Variants in PRKAG2 observed in about 807,000 individuals in gnomAD.
PRKAG2 encodes protein kinase AMP-activated non-catalytic subunit gamma 2.
In PRKAG2, 26 loss-of-function variants were observed where a neutral mutation model predicts 69.6. That is an observed-to-expected ratio of 0.37 (90% CI 0.27 to 0.52). The LOEUF (loss-of-function observed/expected upper bound fraction) is 0.52, where lower values mean the gene tolerates loss of function less well. Ranked by LOEUF, PRKAG2 falls within the 20% of genes least tolerant of loss-of-function variation. The probability of loss-of-function intolerance (pLI) is 0.90; values close to 1 mark genes in which losing one functional copy is unlikely to be tolerated. For synonymous variants in PRKAG2, 293 were observed against 285.0 expected (o/e 1.03, Z -0.28); for missense variants, 557 against 740.0 (o/e 0.75, Z 2.87).
chr7:151,661,468 G>C (rs1020452625), intron 4 of PRKAG2, among the ~76,000 whole-genome samples: 13 of 152,306 alleles, frequency 8.5e-5, no homozygotes, highest in African/African-American at 3.1e-4. Context: ...AGCACATGAA[G>C]AGGAAATCAC....
chr7:151,662,536 C>T (rs1830479268), intron 4 of PRKAG2, among the ~76,000 whole-genome samples: 1 of 152,194 alleles, frequency 6.6e-6, no homozygotes, highest in African/African-American at 2.4e-5. Context: ...TGGGCTACTG[C>T]AGCACTTTAC....
intron 1 of PRKAG2, among the ~76,000 whole-genome samples, chr7:151,824,098 C>A (rs941923413): frequency 1.3e-5 from 2 of 152,186 alleles, no homozygotes; most frequent in African/African-American, 4.8e-5. Flanking sequence ...TGAGCTTTCC[C>A]TTTAAGAAGG....
At chr7:151,593,222 C>T (rs1207627138) in intron 6 of PRKAG2, among the ~76,000 whole-genome samples, 1 of 152,182 alleles carries the variant, frequency 6.6e-6, no homozygotes, top group African/African-American at 2.4e-5. Context: ...GAGTCTTGCT[C>T]TGTCATCCAG....
At chr7:151,871,555 G>A (rs1342496331) in intron 1 of PRKAG2, among the ~76,000 whole-genome samples, 1 of 152,220 alleles carries the variant, frequency 6.6e-6, no homozygotes, top group Non-Finnish European at 1.5e-5. Flanking sequence ...AGCCAAGCAA[G>A]GCGACACCTT....
chr7:151,661,948 CG>C (rs1197029942), intron 4 of PRKAG2, among the ~76,000 whole-genome samples: 1 of 152,170 alleles, frequency 6.6e-6, no homozygotes, highest in Non-Finnish European at 1.5e-5. Context: ...GGGACAGTCC[CG>C]GTTCTGAGCT....
intron 1 of PRKAG2, among the ~76,000 whole-genome samples, chr7:151,822,274 G>C (rs9969184): frequency 0.84 from 127,064 of 152,154 alleles, 53,415 homozygotes; most frequent in Non-Finnish European, 0.89. Flanking sequence ...AACGAGGTGG[G>C]TTCAGGAGGG....
intron 1 of PRKAG2, among the ~76,000 whole-genome samples, chr7:151,831,900 C>T (rs1238264967): frequency 6.6e-6 from 1 of 152,122 alleles, no homozygotes; most frequent in Non-Finnish European, 1.5e-5. Flanking sequence ...AGGACACTTC[C>T]CCAGAACCGA....
At chr7:151,830,220 G>T (rs2078993221) in intron 1 of PRKAG2, among the ~76,000 whole-genome samples, 1 of 150,946 alleles carries the variant, frequency 6.6e-6, no homozygotes, top group Non-Finnish European at 1.5e-5. Context: ...GAAACTCTGT[G>T]CCTGGCCCAG....
chr7:151,628,798 T>C (rs183378576), intron 5 of PRKAG2, among the ~76,000 whole-genome samples: 70 of 152,296 alleles, frequency 4.6e-4, no homozygotes, highest in African/African-American at 1.7e-3. Context: ...AAACACTTAA[T>C]GAAATCATTG....
chr7:151,770,186 C>G (rs1394951177), intron 3 of PRKAG2, among the ~76,000 whole-genome samples: 3 of 152,162 alleles, frequency 2.0e-5, no homozygotes, highest in Non-Finnish European at 2.9e-5. Flanking sequence ...TCGACACAAC[C>G]GACCAGCATT....
intron 5 of PRKAG2, among the ~76,000 whole-genome samples, chr7:151,631,398 A>G (rs1318896379): frequency 2.0e-5 from 3 of 152,186 alleles, no homozygotes; most frequent in Non-Finnish European, 4.4e-5. Flanking sequence ...CATTTTAAAT[A>G]TTAATTTTGC....
intron 4 of PRKAG2, among the ~76,000 whole-genome samples, chr7:151,651,201 G>T (rs1235874824): frequency 6.6e-6 from 1 of 152,188 alleles, no homozygotes; most frequent in East Asian, 1.9e-4. Context: ...TAGTTATTGT[G>T]TAACAAAATG....
chr7:151,731,537 C>CGT (rs1422307895), intron 3 of PRKAG2, among the ~76,000 whole-genome samples: 25 of 85,320 alleles, frequency 2.9e-4, no homozygotes, highest in East Asian at 1.1e-3. Context: ...TGTGTGTGTG[C>CGT]GCACAGGTAC....
intron 3 of PRKAG2, among the ~76,000 whole-genome samples, chr7:151,763,655 G>A (rs969071765): frequency 1.3e-5 from 2 of 152,170 alleles, no homozygotes; most frequent in African/African-American, 4.8e-5. Context: ...AGGGCTGATC[G>A]TCCCCTCTCT....
chr7:151,635,943 C>G (rs2151344492), intron 4 of PRKAG2, among the ~76,000 whole-genome samples: 1 of 151,490 alleles, frequency 6.6e-6, no homozygotes, highest in South Asian at 2.1e-4. Context: ...TCTCAGCTCA[C>G]TGCCAGCTCC....
At chr7:151,726,813 T>A (rs943824324) in intron 3 of PRKAG2, among the ~76,000 whole-genome samples, 18 of 152,180 alleles carry the variant, frequency 1.2e-4, no homozygotes, top group African/African-American at 4.3e-4. Context: ...GTTCAGTTTG[T>A]GCAAATTCGT....
rs1431797681 is a variant in PRKAG2, at chr7:151,875,708, A to T, written c.114+799T>A. Among the ~76,000 whole-genome samples the T allele has an allele frequency of 4.6e-5, 7 of 151,702 alleles. No homozygotes were observed. In the East Asian group the frequency reaches 1.2e-3, roughly 26 times the overall value. ...ACCCCGCTACGTGGAGGCGAGGAACAGTGGCCGCGGGCTACCGGGGCGCCT... is the reference window on the plus strand; with the variant it reads ...ACCCCGCTACGTGGAGGCGAGGAACTGTGGCCGCGGGCTACCGGGGCGCCT... On this transcript the variant is annotated intron_variant, in intron 1 of 15. Coordinates refer to ENST00000287878, the MANE Select transcript of PRKAG2 (RefSeq NM_016203.4).
chr7:151,688,042 G>GCCCCCCCCCCCCCC lies in PRKAG2; in HGVS notation c.467-12406_467-12405insGGGGGGGGGGGGGG, dbSNP rs61417635. ...AGGAGGAGGAGGAGGAGGAAATGAG[G>GCCCCCCCCCCCCCC]CCCCCCCCCGGGCTCCTTGCTGAGT... On this transcript the variant is annotated intron_variant, in intron 3 of 15. Coordinates refer to ENST00000287878, the MANE Select transcript of PRKAG2 (RefSeq NM_016203.4). Among the ~76,000 whole-genome samples, 59 of 107,010 alleles carry GCCCCCCCCCCCCCC rather than the reference G, an allele frequency of 5.5e-4. 16 individuals carry two copies. Among genetic ancestry groups the GCCCCCCCCCCCCCC allele is most frequent in the Non-Finnish European group, 7.9e-4 (39 of 49,432 alleles). The allele number at this position is 107,010 out of a possible 152,430, so 70.2% of individuals were successfully genotyped here. A position where few individuals can be genotyped will look rare whatever the true frequency, so the allele number is the denominator to read the frequency against.
intron 2 of PRKAG2, among the ~76,000 whole-genome samples, chr7:151,785,920 C>G (rs1200537258): frequency 6.6e-6 from 1 of 152,172 alleles, no homozygotes; most frequent in African/African-American, 2.4e-5. Context: ...CCTCGAGACA[C>G]TAGTTTCCTA....
Sources: gnomAD v4.1 joint callset for allele counts (sites outside exome capture counted in the v4.1 genomes callset) on GRCh38, gnomAD v4.1.1 for gene constraint, MANE v1.5 for transcripts, NCBI Gene and HGNC (gene_info 2026-07-23, HGNC 2026-07-21) for gene names.